Variants in ANKRD30A observed in about 807,000 individuals in gnomAD.
ANKRD30A encodes ankyrin repeat domain-containing protein 30A.
A neutral mutation model predicts 166.3 loss-of-function variants in ANKRD30A; 170 were observed. The ratio of observed to expected loss-of-function variants is 1.02; its 90% CI spans 0.90 to 1.16. The LOEUF (loss-of-function observed/expected upper bound fraction) is 1.16, where lower values mean the gene tolerates loss of function less well. Among genes scored for constraint, ANKRD30A ranks in the 50% most tolerant of loss-of-function variants. ANKRD30A has a pLI of 0.00. For synonymous variants in ANKRD30A, 564 were observed against 508.9 expected, an observed-to-expected ratio of 1.11 and a Z score of -1.46; for missense variants, 1,630 against 1,518.0, an observed-to-expected ratio of 1.07 and a Z score of -1.23.
At chr10:37,256,866 G>T in the ANKRD30A span, among the ~76,000 whole-genome samples, 2 of 152,098 alleles carry the variant, frequency 1.3e-5, no homozygotes, top group Non-Finnish European at 2.9e-5. Context: ...TTTTTTTGTT[G>T]TGTCTCTGGC....
intron 18 of ANKRD30A, 72 bp from the exon 19 acceptor site, chr10:37,166,533 T>G (rs1839361679): frequency 7.4e-7 from 1 of 1,351,948 alleles, no homozygotes; most frequent in East Asian, 2.5e-5. Flanking sequence ...AAGAATTTAA[T>G]TAGGAAATTT....
chr10:37,261,309 G>GT, the ANKRD30A span, among the ~76,000 whole-genome samples: 20 of 152,110 alleles, frequency 1.3e-4, no homozygotes, highest in African/African-American at 4.6e-4. Flanking sequence ...TCTGTCATTG[G>GT]ATTGCTTGCA....
At chr10:37,215,923 G>A (rs1363894546) in intron 31 of ANKRD30A, among the ~76,000 whole-genome samples, 17 of 151,144 alleles carry the variant, frequency 1.1e-4, no homozygotes, top group Admixed American at 8.6e-4. Context: ...CTTATTCTTA[G>A]CAATCTGTTT....
In ANKRD30A at chr10:37,231,697, G is replaced by T. The variant is rs1926127; in HGVS notation, c.*211+17G>T. 251,435 of 330,402 alleles carry T rather than the reference G, an allele frequency of 0.76. 96,637 individuals are homozygous for T. The highest frequency in any genetic ancestry group is 0.89 in the South Asian group (6,070 of 6,814). The allele number at this position is 330,402 out of a possible 1,614,324, so 20.5% of individuals were successfully genotyped here. A position where few individuals can be genotyped will look rare whatever the true frequency, so the allele number is the denominator to read the frequency against. On this transcript the variant is annotated intron_variant, in intron 35 of 35. Transcript: ENST00000361713. ...TTGTTCACGGTTAGTTATATTATCT[G>T]TCTTCCTTTGTTTTTCAGATTTCTG...
chr10:37,195,260 C>T (rs547471932), intron 27 of ANKRD30A, among the ~76,000 whole-genome samples: 9 of 151,990 alleles, frequency 5.9e-5, no homozygotes, highest in African/African-American at 9.6e-5. Context: ...TTTTCTTTTT[C>T]AAAAAGATAT....
At chr10:37,234,869 G>A (rs1843606022), downstream of ANKRD30A, among the ~76,000 whole-genome samples, 1 of 152,004 alleles carries the variant, frequency 6.6e-6, no homozygotes, top group African/African-American at 2.4e-5. Context: ...TGTGTCACAT[G>A]GTGGAAAGTT....
chr10:37,162,636 T>C lies in ANKRD30A; in HGVS notation c.1901-13T>C. On this transcript the variant is annotated splice_polypyrimidine_tract_variant and intron_variant, in intron 15 of 35. Coordinates refer to ENST00000361713, the MANE Select transcript of ANKRD30A (RefSeq NM_052997.3). The stretch of plus-strand genomic sequence containing the variant: ...TTACATATGATTGATGATAAATCTC[T>C]TTTGCTTTTTAGAGCCTCCGGGGAA... 1 of 1,612,018 alleles carries C rather than the reference T, an allele frequency of 6.2e-7. No homozygotes were observed. Among genetic ancestry groups the C allele is most frequent in the Non-Finnish European group, 8.5e-7 (1 of 1,179,748 alleles).
chr10:37,223,375 C>T (rs1304089610), intron 34 of ANKRD30A, among the ~76,000 whole-genome samples: 1 of 151,176 alleles, frequency 6.6e-6, no homozygotes, highest in Non-Finnish European at 1.5e-5. Context: ...GTTACCTTAT[C>T]CTGAAGTTAG....
chr10:37,211,159 A>G (rs1284609538), intron 31 of ANKRD30A, among the ~76,000 whole-genome samples: 1 of 151,300 alleles, frequency 6.6e-6, no homozygotes, highest in African/African-American at 2.4e-5. Context: ...TTATTATTAT[A>G]CTTTAAGTTT....
chr10:37,212,404 T>C (rs1445713038), intron 31 of ANKRD30A, among the ~76,000 whole-genome samples: 1 of 152,076 alleles, frequency 6.6e-6, no homozygotes, highest in Non-Finnish European at 1.5e-5. Context: ...TCCACGCTTA[T>C]GGGTAGGAAG....
chr10:37,242,386 G>A, the ANKRD30A span, among the ~76,000 whole-genome samples: 20 of 152,220 alleles, frequency 1.3e-4, no homozygotes, highest in South Asian at 3.5e-3. Context: ...GGTGGTATCT[G>A]CTGAACATCT....
chr10:37,146,445 A>T (rs1837520382), intron 8 of ANKRD30A, among the ~76,000 whole-genome samples: 1 of 148,988 alleles, frequency 6.7e-6, no homozygotes, highest in African/African-American at 2.5e-5. Flanking sequence ...TGCAGTATGT[A>T]TTTGCGGCAG....
intron 13 of ANKRD30A, among the ~76,000 whole-genome samples, chr10:37,157,606 C>T (rs1838485379): frequency 6.6e-6 from 1 of 152,116 alleles, no homozygotes; most frequent in South Asian, 2.1e-4. Context: ...CTCCTGGCCT[C>T]CAGAGATCCG....
In ANKRD30A at chr10:37,217,735, G is replaced by A. The variant is rs772800090; in HGVS notation, c.3124G>A (p.Asp1042Asn). Residue 1042 changes from aspartate to asparagine, a missense_variant, in exon 33 of 36, where the codon GAT becomes AAT. Physicochemically the swap from Asp to Asn is conservative, Grantham distance 23. This residue lies in a region of ANKRD30A where 712 missense variants were observed against 629.3 expected (regional missense o/e 1.13). Coordinates refer to ENST00000361713, the MANE Select transcript of ANKRD30A (RefSeq NM_052997.3). ...AGAAGAAGAGAAGAGAAGAAATGCC[G>A]ATATATTAAATGAAAAAATTAGGGA... is the stretch of plus-strand genomic sequence containing the variant. The part of the protein sequence containing the change: ...NQEEEKRRNA[D>N]ILNEKIREEL... 11 of 1,591,054 alleles carry A rather than the reference G, an allele frequency of 6.9e-6. No individual in the cohort carries two copies. The highest frequency in any genetic ancestry group is 1.1e-5 in the South Asian group (1 of 87,556).
intron 27 of ANKRD30A, among the ~76,000 whole-genome samples, chr10:37,196,614 C>T (rs1401269277): frequency 2.6e-5 from 4 of 152,022 alleles, no homozygotes; most frequent in African/African-American, 7.2e-5. Flanking sequence ...TCATCTATTG[C>T]AATAAATTTT....
Position 37,149,696 on chromosome 10 carries a change from T to C in ANKRD30A, c.1572+17T>C. On this transcript the variant is annotated intron_variant, in intron 10 of 35. Coordinates refer to ENST00000361713, the MANE Select transcript of ANKRD30A (RefSeq NM_052997.3). Reference sequence around the variant, plus strand: ...GCCTTCAAGGTATTTAGTTTTATTATTTCATTTTGAATGACTTATTAATTA... The same window carrying C: ...GCCTTCAAGGTATTTAGTTTTATTACTTCATTTTGAATGACTTATTAATTA... 1.2e-6 allele frequency: 2 copies of C among 1,612,446 alleles called. No individual in the cohort carries two copies. The highest frequency in any genetic ancestry group is 8.5e-7 in the Non-Finnish European group (1 of 1,178,896).
chr10:37,165,409 A>G (rs529407444), intron 18 of ANKRD30A, among the ~76,000 whole-genome samples: 1 of 152,366 alleles, frequency 6.6e-6, no homozygotes, highest in South Asian at 2.1e-4. Context: ...AGAATTCACT[A>G]GAAATTCACA....
At chr10:37,155,086 T>A (rs1335424392) in intron 13 of ANKRD30A, among the ~76,000 whole-genome samples, 3 of 152,156 alleles carry the variant, frequency 2.0e-5, no homozygotes, top group African/African-American at 7.2e-5. Flanking sequence ...AGACTAATTT[T>A]AAAAACCATA....
At chr10:37,254,725 C>T in the ANKRD30A span, among the ~76,000 whole-genome samples, 2 of 146,790 alleles carry the variant, frequency 1.4e-5, no homozygotes, top group African/African-American at 5.0e-5. Context: ...ACTCTGTTGC[C>T]CAGGCTGGAG....
Sources: allele counts gnomAD v4.1 joint callset (sites outside exome capture counted in the v4.1 genomes callset), GRCh38; gene constraint gnomAD v4.1.1; regional missense constraint gnomAD v4.1.1; transcripts MANE v1.5; gene names NCBI Gene and HGNC (gene_info 2026-07-23, HGNC 2026-07-21).